Variants in CFAP20DC observed in about 807,000 individuals in gnomAD.
CFAP20DC encodes the protein CFAP20 domain containing.
In CFAP20DC, 84 loss-of-function variants were observed where a neutral mutation model predicts 101.7. The observed-to-expected ratio is 0.83, with a 90% CI of 0.69 to 0.99. The LOEUF is 0.99. Ranked by LOEUF, CFAP20DC falls within the 50% of genes least tolerant of loss-of-function variation. CFAP20DC has a pLI of 0.00. For missense variants in CFAP20DC, 1,007 were observed against 970.3 expected (o/e 1.04, Z -0.50); for synonymous variants, 359 against 351.2 (o/e 1.02, Z -0.25).
chr3:58,976,995 C>T (rs894573052), intron 4 of CFAP20DC, among the ~76,000 whole-genome samples: 2 of 152,282 alleles, frequency 1.3e-5, no homozygotes, highest in Non-Finnish European at 1.5e-5. Flanking sequence ...GTATAGCTCA[C>T]ATTTATTTCA....
At chr3:59,023,426 C>T (rs756644215) in intron 4 of CFAP20DC, among the ~76,000 whole-genome samples, 44 of 152,016 alleles carry the variant, frequency 2.9e-4, no homozygotes, top group Non-Finnish European at 2.6e-4. Context: ...AAAGATAATG[C>T]ATTTGAGTTT....
At chr3:58,856,569 A>G (rs9855078) in intron 12 of CFAP20DC, among the ~76,000 whole-genome samples, 1,582 of 152,294 alleles carry the variant, frequency 0.01, 25 homozygotes, top group African/African-American at 0.037. Context: ...GGATGTTCAT[A>G]TGGTTGAAGA....
At chr3:59,005,777 T>C (rs913134283) in intron 4 of CFAP20DC, among the ~76,000 whole-genome samples, 8 of 152,208 alleles carry the variant, frequency 5.3e-5, no homozygotes, top group Admixed American at 2.6e-4. Flanking sequence ...TGGTGGTCGA[T>C]AGAGACTACA....
intron 12 of CFAP20DC, chr3:58,862,102 A>G: frequency 1.1e-6 from 1 of 949,728 alleles, no homozygotes; most frequent in Non-Finnish European, 1.3e-6. Context: ...GTGTATTTAA[A>G]GGGCAGATTA....
chr3:58,893,729 C>T (rs1292522147), intron 6 of CFAP20DC, among the ~76,000 whole-genome samples: 2 of 150,652 alleles, frequency 1.3e-5, no homozygotes, highest in Non-Finnish European at 3.0e-5. Flanking sequence ...TTTTTTTGTA[C>T]CTCTGGCAGA....
intron 6 of CFAP20DC, among the ~76,000 whole-genome samples, chr3:58,910,374 T>C (rs1290863801): frequency 2.6e-5 from 4 of 152,158 alleles, no homozygotes; most frequent in South Asian, 2.1e-4. Context: ...GATTGATAGA[T>C]TGGATGCATA....
intron 4 of CFAP20DC, among the ~76,000 whole-genome samples, chr3:58,965,148 A>G (rs1016599076): frequency 1.3e-5 from 2 of 152,176 alleles, no homozygotes; most frequent in Non-Finnish European, 2.9e-5. Flanking sequence ...CGAGGTTGGC[A>G]TTATGAGCTG....
chr3:58,802,378 CA>C (rs1338469068), intron 15 of CFAP20DC, among the ~76,000 whole-genome samples: 12 of 152,222 alleles, frequency 7.9e-5, no homozygotes, highest in African/African-American at 2.9e-4. Flanking sequence ...CCTCCTACCC[CA>C]CACTTCTCTA....
intron 5 of CFAP20DC, among the ~76,000 whole-genome samples, chr3:58,926,309 T>C (rs770067185): frequency 1.3e-5 from 2 of 149,780 alleles, no homozygotes; most frequent in Non-Finnish European, 3.0e-5. Context: ...GAGGTTGCAG[T>C]GAGCCGAGAT....
At chr3:58,927,815 G>A (rs2086150238) in intron 5 of CFAP20DC, among the ~76,000 whole-genome samples, 1 of 152,120 alleles carries the variant, frequency 6.6e-6, no homozygotes, top group Non-Finnish European at 1.5e-5. Context: ...CTGCCACCTT[G>A]CTGCTCTCTG....
intron 3 of CFAP20DC, among the ~76,000 whole-genome samples, chr3:59,045,084 A>T (rs544001524): frequency 6.6e-6 from 1 of 152,054 alleles, no homozygotes; most frequent in East Asian, 1.9e-4. Flanking sequence ...TTTAATGATG[A>T]TATCTCTTCT....
intron 16 of CFAP20DC, among the ~76,000 whole-genome samples, chr3:58,746,254 T>C (rs1331740592): frequency 6.6e-6 from 1 of 152,184 alleles, no homozygotes; most frequent in Non-Finnish European, 1.5e-5. Flanking sequence ...GGTGTAATGT[T>C]TAAATCACAT....
Position 58,899,751 on chromosome 3 carries a change from G to A in CFAP20DC, c.550+13957C>T, listed in dbSNP as rs532210108. On this transcript the variant is annotated intron_variant, in intron 6 of 16. Transcript: ENST00000482387. This position sits in a 1 kb window ranked among gnomAD's most constrained non-coding sequence, Gnocchi z 5.0. ...GGACTGTTGGCTTCATGCCACTCCC[G>A]GATGGGCCATCACCCCACCCTGCTT... is the stretch of plus-strand genomic sequence containing the variant. Among the ~76,000 whole-genome samples the A allele has an allele frequency of 1.2e-4, 18 of 152,232 alleles. 1 individual carries two copies. In the South Asian group the frequency reaches 2.5e-3, roughly 21 times the overall value.
intron 6 of CFAP20DC, among the ~76,000 whole-genome samples, chr3:58,900,137 A>T (rs2083022287): frequency 6.6e-6 from 1 of 152,214 alleles, no homozygotes; most frequent in South Asian, 2.1e-4. Context: ...AGGTGAAAGG[A>T]ATAGATCATC....
At chr3:58,980,174 T>G (rs1400924699) in intron 4 of CFAP20DC, among the ~76,000 whole-genome samples, 1 of 152,204 alleles carries the variant, frequency 6.6e-6, no homozygotes, top group Non-Finnish European at 1.5e-5. Flanking sequence ...CCGAGCTTGA[T>G]AGCTCTTAAT....
At chr3:58,932,987 T>C (rs186924193) in intron 5 of CFAP20DC, among the ~76,000 whole-genome samples, 249 of 152,068 alleles carry the variant, frequency 1.6e-3, no homozygotes, top group African/African-American at 5.6e-3. Context: ...GCAAATTGGA[T>C]AGAGACAAGA....
intron 4 of CFAP20DC, among the ~76,000 whole-genome samples, chr3:58,970,144 T>C (rs1271150248): frequency 6.6e-6 from 1 of 152,196 alleles, no homozygotes; most frequent in Non-Finnish European, 1.5e-5. Context: ...ATTCCATTAC[T>C]ATGAAACACA....
chr3:58,932,856 C>T (rs2086913209), intron 5 of CFAP20DC, among the ~76,000 whole-genome samples: 1 of 152,218 alleles, frequency 6.6e-6, no homozygotes, highest in African/African-American at 2.4e-5. Context: ...TAGGAAGAAA[C>T]TGCATCAACT....
rs1195374130 is a variant in CFAP20DC at position 58,742,352 on chromosome 3, T to G, written c.*108A>C. On this transcript the variant is annotated 3_prime_UTR_variant, in exon 17 of 17. Transcript: ENST00000482387. ...ATGAATTCGTTTCTCTCAGTTACTG[T>G]TGATTTTGTGGTCACCCAACACATA... 45 of 1,304,342 alleles carry G rather than the reference T, an allele frequency of 3.5e-5. No homozygotes were observed. The highest frequency in any genetic ancestry group is 4.4e-5 in the Non-Finnish European group (45 of 1,017,136). The allele number at this position is 1,304,342 out of a possible 1,614,324, so 80.8% of individuals were successfully genotyped here.
Sources: gnomAD v4.1 joint callset for allele counts (sites outside exome capture counted in the v4.1 genomes callset) on GRCh38, gnomAD v4.1.1 for gene constraint, Gnocchi (gnomAD v3.1) non-coding constraint, MANE v1.5 for transcripts, NCBI Gene and HGNC (gene_info 2026-07-23, HGNC 2026-07-21) for gene names.